The following PSMD14 variants were observed in gnomAD, a reference collection of about 807,000 sequenced individuals.
PSMD14 encodes proteasome 26S subunit, non-ATPase 14.
PSMD14 carries 7 observed loss-of-function variants against 41.2 expected under a neutral mutation model. That is an observed-to-expected ratio of 0.17 (90% CI 0.10 to 0.32). The LOEUF is 0.32. Ranked by LOEUF, PSMD14 falls within the 10% of genes least tolerant of loss-of-function variation. The pLI, the probability that PSMD14 is intolerant of heterozygous loss-of-function variation, is 1.00. For missense variants in PSMD14, 139 were observed against 375.6 expected (o/e 0.37, Z 5.21); for synonymous variants, 114 against 122.3 (o/e 0.93, Z 0.45).
chr2:161,312,373 A>G (rs1438176518), intron 1 of PSMD14, among the ~76,000 whole-genome samples: 1 of 152,066 alleles, frequency 6.6e-6, no homozygotes, highest in African/African-American at 2.4e-5. Context: ...TGAACCCCTG[A>G]CCTCAAGTGA....
Position 161,380,343 on chromosome 2 carries a change from C to G in PSMD14, c.463-5121C>G, listed in dbSNP as rs576785832. Among the ~76,000 whole-genome samples the G allele has an allele frequency of 3.3e-5, 5 of 152,072 alleles. No individual in the cohort carries two copies. In the South Asian group the frequency reaches 1.0e-3, roughly 31 times the overall value. On this transcript the variant is annotated intron_variant, in intron 7 of 11. Coordinates refer to ENST00000409682, the MANE Select transcript of PSMD14 (RefSeq NM_005805.6). ...ATTTTTATTATAACTTAAGTAAATT[C>G]TTTTCCCAGTGTTTCATGAATCTAA...
intron 3 of PSMD14, among the ~76,000 whole-genome samples, chr2:161,353,527 G>A (rs552394630): frequency 6.6e-6 from 1 of 152,226 alleles, no homozygotes; most frequent in Non-Finnish European, 1.5e-5. Flanking sequence ...CTTTCAGTGT[G>A]TCATTTTTAT....
At chr2:161,321,051 A>G (rs1682573100) in intron 3 of PSMD14, among the ~76,000 whole-genome samples, 1 of 152,236 alleles carries the variant, frequency 6.6e-6, no homozygotes, top group Admixed American at 6.5e-5. Context: ...ATAAGAAGTC[A>G]AAGATCTTTG....
chr2:161,332,643 T>C (rs1682810939), intron 3 of PSMD14, among the ~76,000 whole-genome samples: 1 of 152,220 alleles, frequency 6.6e-6, no homozygotes, highest in Non-Finnish European at 1.5e-5. Context: ...TTTCAAGTAT[T>C]ACACTGCTTA....
Position 161,363,773 on chromosome 2 carries a change from CCACTGCTCA to C in PSMD14, c.49-3701_49-3693del, listed in dbSNP as rs1683322830. ...GGATGTGGCCTGCTTCTTCAGTGCC[CCACTGCTCA>C]CACCTCTAGGGGAGCATACAGACAG... is the stretch of plus-strand genomic sequence containing the variant. On this transcript the variant is annotated intron_variant, in intron 3 of 11. Transcript: ENST00000409682. 1.3e-5 allele frequency among the ~76,000 whole-genome samples: 2 copies of C among 152,152 alleles called. 1 individual carries two copies. Among genetic ancestry groups the C allele is most frequent in the South Asian group, 4.1e-4 (2 of 4,826 alleles).
intron 3 of PSMD14, among the ~76,000 whole-genome samples, chr2:161,326,277 C>T (rs1156244629): frequency 1.3e-5 from 2 of 152,110 alleles, no homozygotes; most frequent in Admixed American, 6.5e-5. Flanking sequence ...TTGATCCGCC[C>T]ACCTCGGCCT....
At chr2:161,385,592 T>C (rs1683623900) in intron 8 of PSMD14, 21 bp downstream of exon 8, 2 of 1,474,378 alleles carry the variant, frequency 1.4e-6, no homozygotes, top group Admixed American at 1.7e-5. Context: ...TATTTGATAA[T>C]GTGTTAAAAC....
intron 3 of PSMD14, among the ~76,000 whole-genome samples, chr2:161,360,372 T>C (rs907048546): frequency 6.5e-4 from 98 of 151,534 alleles, no homozygotes; most frequent in African/African-American, 2.2e-3. Context: ...TATTGTTTTT[T>C]TTTTTTTTTC....
At chr2:161,388,902 A>G (rs1574138757) in intron 8 of PSMD14, among the ~76,000 whole-genome samples, 4 of 152,222 alleles carry the variant, frequency 2.6e-5, no homozygotes, top group African/African-American at 9.6e-5. Flanking sequence ...CATGAACCCA[A>G]AAAGGACATG....
At chr2:161,330,390 C>T (rs1217552758) in intron 3 of PSMD14, among the ~76,000 whole-genome samples, 6 of 151,972 alleles carry the variant, frequency 3.9e-5, no homozygotes, top group South Asian at 2.1e-4. Flanking sequence ...ATGTATGGGA[C>T]GTTATGATCA....
At chr2:161,403,349 A>G (rs1233961938) in intron 10 of PSMD14, among the ~76,000 whole-genome samples, 3 of 152,350 alleles carry the variant, frequency 2.0e-5, no homozygotes, top group East Asian at 1.9e-4. Context: ...GCAAATCCAT[A>G]GAGACAGAAA....
intron 3 of PSMD14, among the ~76,000 whole-genome samples, chr2:161,357,105 G>A (rs1683218937): frequency 1.1e-5 from 1 of 89,012 alleles, no homozygotes. Context: ...TAGTCAACAA[G>A]GGCTACCCAT....
chr2:161,326,465 A>G (rs1322248136), intron 3 of PSMD14, among the ~76,000 whole-genome samples: 1 of 152,200 alleles, frequency 6.6e-6, no homozygotes, highest in East Asian at 1.9e-4. Flanking sequence ...TAGAAATGTA[A>G]AATGGTACAG....
At chr2:161,397,345 G>T (rs539093550) in intron 10 of PSMD14, among the ~76,000 whole-genome samples, 1 of 152,288 alleles carries the variant, frequency 6.6e-6, no homozygotes, top group Non-Finnish European at 1.5e-5. Flanking sequence ...AATAAAGCAT[G>T]GCACTGGTCG....
chr2:161,344,731 TAA>T (rs1683016520), intron 3 of PSMD14, among the ~76,000 whole-genome samples: 1 of 152,228 alleles, frequency 6.6e-6, no homozygotes, highest in Non-Finnish European at 1.5e-5. Context: ...GCTGCCCATT[TAA>T]AAAATTAAGT....
At chr2:161,374,927 T>G (rs893393507) in intron 7 of PSMD14, among the ~76,000 whole-genome samples, 4 of 152,058 alleles carry the variant, frequency 2.6e-5, no homozygotes, top group Non-Finnish European at 5.9e-5. Context: ...AGTAAAATGC[T>G]CAGTTATTAC....
At chr2:161,373,262 A>G (rs192839089) in intron 7 of PSMD14, among the ~76,000 whole-genome samples, 23 of 152,028 alleles carry the variant, frequency 1.5e-4, no homozygotes, top group Non-Finnish European at 5.9e-5. Flanking sequence ...AATCATATGT[A>G]TCACTGTCTA....
At chr2:161,340,485 T>G (rs1322108295) in intron 3 of PSMD14, among the ~76,000 whole-genome samples, 5 of 152,300 alleles carry the variant, frequency 3.3e-5, no homozygotes, top group Non-Finnish European at 7.4e-5. Context: ...TTATCTAAGG[T>G]GTGCAGGGTG....
chr2:161,317,954 T>A (rs1187364755), intron 2 of PSMD14, among the ~76,000 whole-genome samples: 1 of 152,194 alleles, frequency 6.6e-6, no homozygotes, highest in East Asian at 1.9e-4. Flanking sequence ...TTTTAAAATT[T>A]GATTACTTCT....
Sources: allele counts gnomAD v4.1 joint callset (sites outside exome capture counted in the v4.1 genomes callset), GRCh38; gene constraint gnomAD v4.1.1; transcripts MANE v1.5; gene names NCBI Gene and HGNC (gene_info 2026-07-23, HGNC 2026-07-21).